The following TNFSF4 variants were observed in gnomAD, a reference collection of about 807,000 sequenced individuals.
TNFSF4 encodes tumor necrosis factor ligand superfamily member 4.
TNFSF4 carries 4 observed loss-of-function variants against 7.3 expected under a neutral mutation model. The ratio of observed to expected loss-of-function variants is 0.55; its 90% CI spans 0.27 to 1.25. The LOEUF is 1.25. Ranked by LOEUF, TNFSF4 falls within the 50% of genes most tolerant of loss-of-function variation. TNFSF4 has a pLI of 0.12. For synonymous variants in TNFSF4, 76 were observed against 83.7 expected, an observed-to-expected ratio of 0.91 and a Z score of 0.50; for missense variants, 181 against 208.8, an observed-to-expected ratio of 0.87 and a Z score of 0.82.
chr1:173,275,438 A>G, the TNFSF4 span, among the ~76,000 whole-genome samples: 1 of 152,160 alleles, frequency 6.6e-6, no homozygotes, highest in Non-Finnish European at 1.5e-5. Flanking sequence ...CATCCTGGAA[A>G]AGATAGTCTG....
At chr1:173,380,895 G>T in the TNFSF4 span, among the ~76,000 whole-genome samples, 296 of 152,232 alleles carry the variant, frequency 1.9e-3, 1 homozygote, top group African/African-American at 6.4e-3. Flanking sequence ...TTCTTCTTAT[G>T]TGGAACGTCG....
the TNFSF4 span, among the ~76,000 whole-genome samples, chr1:173,278,487 C>T: frequency 6.6e-6 from 1 of 152,080 alleles, no homozygotes; most frequent in Non-Finnish European, 1.5e-5. Context: ...AGTAACCCTA[C>T]CACCATCATT....
chr1:173,312,736 C>T, the TNFSF4 span, among the ~76,000 whole-genome samples: 6 of 152,036 alleles, frequency 3.9e-5, no homozygotes, highest in Admixed American at 2.0e-4. Flanking sequence ...GACCAGAGTA[C>T]CCCAGCTGTG....
chr1:173,378,868 G>T, the TNFSF4 span, among the ~76,000 whole-genome samples: 3 of 84,800 alleles, frequency 3.5e-5, no homozygotes, highest in Non-Finnish European at 5.2e-5. Context: ...GGGACCACAA[G>T]AACCCCCCTC....
chr1:173,223,010 A>G, the TNFSF4 span, among the ~76,000 whole-genome samples: 6 of 152,200 alleles, frequency 3.9e-5, no homozygotes, highest in Non-Finnish European at 7.4e-5. Flanking sequence ...CTGGGGAGAC[A>G]GTCTAATGTA....
At chr1:173,388,897 C>A in the TNFSF4 span, among the ~76,000 whole-genome samples, 2 of 151,996 alleles carry the variant, frequency 1.3e-5, no homozygotes, top group African/African-American at 4.8e-5. Flanking sequence ...GTTAAAGGAG[C>A]CCAGAAACTA....
At chr1:173,303,022 G>A in the TNFSF4 span, among the ~76,000 whole-genome samples, 5 of 151,862 alleles carry the variant, frequency 3.3e-5, no homozygotes, top group African/African-American at 1.2e-4. Flanking sequence ...AAAGAGGAAA[G>A]AAACATGAAA....
the TNFSF4 span, among the ~76,000 whole-genome samples, chr1:173,425,600 G>T: frequency 2.6e-5 from 4 of 152,194 alleles, no homozygotes; most frequent in African/African-American, 7.2e-5. Flanking sequence ...CAAAGTCAAT[G>T]AATCTGTTTG....
At chr1:173,363,248 G>A in the TNFSF4 span, 5 of 291,084 alleles carry the variant, frequency 1.7e-5, no homozygotes, top group Admixed American at 9.3e-5. Flanking sequence ...AGGGAAACCT[G>A]TTTCTCTAAG....
the TNFSF4 span, among the ~76,000 whole-genome samples, chr1:173,275,329 C>T: frequency 6.6e-6 from 1 of 152,114 alleles, no homozygotes; most frequent in Non-Finnish European, 1.5e-5. Flanking sequence ...CTTTGCTCCA[C>T]AGAGAGAAAC....
At chr1:173,284,410 G>A in the TNFSF4 span, among the ~76,000 whole-genome samples, 4 of 152,222 alleles carry the variant, frequency 2.6e-5, no homozygotes, top group African/African-American at 4.8e-5. Context: ...AGCAAGTGCT[G>A]ATGTAGAAGC....
At chr1:173,283,101 T>C in the TNFSF4 span, among the ~76,000 whole-genome samples, 1 of 152,204 alleles carries the variant, frequency 6.6e-6, no homozygotes, top group Non-Finnish European at 1.5e-5. Context: ...CAATGAATCA[T>C]TGTGACAGGC....
chr1:173,371,225 G>A, the TNFSF4 span, among the ~76,000 whole-genome samples: 1 of 152,216 alleles, frequency 6.6e-6, no homozygotes, highest in Non-Finnish European at 1.5e-5. Flanking sequence ...ACCATCTGAG[G>A]AATCCTGGGA....
the TNFSF4 span, among the ~76,000 whole-genome samples, chr1:173,250,609 G>C: frequency 1.3e-5 from 2 of 152,080 alleles, no homozygotes; most frequent in Admixed American, 6.5e-5. Flanking sequence ...ACAGGCGACT[G>C]CCACCACGCC....
the TNFSF4 span, among the ~76,000 whole-genome samples, chr1:173,279,009 C>G: frequency 1.3e-5 from 2 of 152,084 alleles, no homozygotes; most frequent in African/African-American, 4.8e-5. Context: ...AGCTGCCCTA[C>G]TTGTCCAGTG....
chr1:173,181,219 T>C (rs867786665), downstream of TNFSF4, among the ~76,000 whole-genome samples: 2 of 152,186 alleles, frequency 1.3e-5, no homozygotes, highest in South Asian at 2.1e-4. Flanking sequence ...CCTTTAGAGA[T>C]TACCTTCTGC....
chr1:173,417,210 C>T, the TNFSF4 span, among the ~76,000 whole-genome samples: 1 of 152,154 alleles, frequency 6.6e-6, no homozygotes, highest in African/African-American at 2.4e-5. Context: ...CGGTTTGGGG[C>T]CGAGCCCCAC....
chr1:173,418,980 AT>A, the TNFSF4 span, among the ~76,000 whole-genome samples: 1 of 152,220 alleles, frequency 6.6e-6, no homozygotes, highest in Non-Finnish European at 1.5e-5. Context: ...TTGAGAGGTA[AT>A]TAAGATTAAA....
the TNFSF4 span, among the ~76,000 whole-genome samples, chr1:173,359,453 A>T: frequency 0.038 from 2,365 of 61,714 alleles, 76 homozygotes; most frequent in African/African-American, 0.13. Flanking sequence ...TTTTATATTT[A>T]AAAAAAAAAA....
Sources: gnomAD v4.1 joint callset for allele counts (sites outside exome capture counted in the v4.1 genomes callset) on GRCh38, gnomAD v4.1.1 for gene constraint, MANE v1.5 for transcripts, NCBI Gene and HGNC (gene_info 2026-07-23, HGNC 2026-07-21) for gene names.